The following PRKRA variants were observed in gnomAD, a reference collection of about 807,000 sequenced individuals.
PRKRA encodes protein activator of interferon induced protein kinase EIF2AK2, also known as interferon-inducible double-stranded RNA-dependent protein kinase activator A.
A neutral mutation model predicts 32.4 loss-of-function variants in PRKRA; 22 were observed. The ratio of observed to expected loss-of-function variants is 0.68; its 90% CI spans 0.49 to 0.97. PRKRA has a LOEUF of 0.97. Among genes scored for constraint, PRKRA ranks in the 50% least tolerant of loss-of-function variants. The pLI is 0.00. For missense variants in PRKRA, 319 were observed against 375.6 expected (o/e 0.85, Z 1.25); for synonymous variants, 139 against 129.8 (o/e 1.07, Z -0.48).
At chr2:178,440,084 AT>A (rs1697057734) in intron 6 of PRKRA, 1 of 152,182 alleles carries the variant, frequency 6.6e-6, no homozygotes, top group Admixed American at 6.5e-5. Context: ...AAGAGTTTAA[AT>A]AGCATTGAAA....
At position 178,444,458 on chromosome 2, in the gene PRKRA, T is replaced by C. The variant is rs888298986; in HGVS notation, c.360A>G (p.Gln120=). 3 of 1,607,408 alleles carry C rather than the reference T, an allele frequency of 1.9e-6. No homozygotes were observed. In the African/African-American group the frequency reaches 4.0e-5, roughly 22 times the overall value. The change falls in exon 4 of 8, where the codon CAA becomes CAG. Residue 120 remains glutamine (Q), a synonymous_variant. Transcript: ENST00000325748. ...PDPLMPDPSK[Q]PKNQLNPIGS... ...CAATAGGATTAAGCTGGTTCTTTGG[T>C]TGCTTGGAAGGGTCAGGCATTAAGG... is the stretch of plus-strand genomic sequence containing the variant.
At chr2:178,446,205 G>A (rs2154125308) in intron 3 of PRKRA, among the ~76,000 whole-genome samples, 1 of 151,022 alleles carries the variant, frequency 6.6e-6, no homozygotes, top group East Asian at 2.0e-4. Flanking sequence ...AGTAGAGACA[G>A]GGTTTTGCCA....
At position 178,451,126 on chromosome 2, in the gene PRKRA, G is replaced by A. The variant is rs553488379; in HGVS notation, c.-96C>T. The A allele has an allele frequency of 3.8e-5, 53 of 1,383,634 alleles. No individual in the cohort carries two copies. Among genetic ancestry groups the A allele is most frequent in the Non-Finnish European group, 4.9e-5 (51 of 1,030,442 alleles). 85.7% of individuals were successfully genotyped at this position (1,383,634 alleles called of 1,614,324 possible). A position where few individuals can be genotyped will look rare whatever the true frequency, so the allele number is the denominator to read the frequency against. ...GGTCCCCGGGAGGAGCTCCAGCGCC[G>A]CCACCTCCTCCGACTCCCCCGCCTC... On this transcript the variant is annotated 5_prime_UTR_variant, in exon 1 of 8. Transcript: ENST00000325748.
intron 1 of PRKRA, 111 bp from the exon 2 acceptor site, chr2:178,450,522 C>T: frequency 6.5e-7 from 1 of 1,539,690 alleles, no homozygotes; most frequent in Non-Finnish European, 8.8e-7. Flanking sequence ...CGCCGAGTTC[C>T]CCGGAGGCCA....
intron 6 of PRKRA, chr2:178,439,515 G>A (rs1373984876): frequency 6.6e-6 from 1 of 152,018 alleles, no homozygotes; most frequent in Non-Finnish European, 1.5e-5. Flanking sequence ...TTTTTCTTTA[G>A]GGTTTTAAAG....
intron 4 of PRKRA, 108 bp from the exon 5 acceptor site, chr2:178,443,492 G>T: frequency 3.6e-6 from 2 of 551,778 alleles, no homozygotes; most frequent in Non-Finnish European, 6.4e-6. Context: ...GAAAAGAATA[G>T]TGATATTCTG....
chr2:178,449,631 C>G (rs773051222), intron 2 of PRKRA, among the ~76,000 whole-genome samples: 1 of 152,182 alleles, frequency 6.6e-6, no homozygotes, highest in East Asian at 1.9e-4. Context: ...CATTGCTATA[C>G]GCATGTTACT....
chr2:178,445,592 C>T (rs965545787), intron 3 of PRKRA: 1 of 154,530 alleles, frequency 6.5e-6, no homozygotes, highest in African/African-American at 2.4e-5. Context: ...GACAAAGTGC[C>T]AAGATGCAGA....
At position 178,441,671 on chromosome 2, in the gene PRKRA, T is replaced by C. The variant is rs756418974; in HGVS notation, c.548A>G (p.Asn183Ser). The C allele has an allele frequency of 3.1e-6, 5 of 1,612,758 alleles. No individual in the cohort carries two copies. The South Asian group carries it at 5.5e-5, about 18-fold the overall frequency. ...TTTGGCAAGAAATTTCTCAGCAGCATTCCTTTTGGCTTGCTTTTTTGATGC... is the reference window on the plus strand; with the variant it reads ...TTTGGCAAGAAATTTCTCAGCAGCACTCCTTTTGGCTTGCTTTTTTGATGC... ...KGASKKQAKR[N>S]AAEKFLAKFS... Residue 183 changes from asparagine (N) to serine (S), a missense_variant, in exon 6 of 8, where the codon AAT (asparagine) becomes AGT (serine). By Grantham distance (46) the Asn-to-Ser change is conservative (BLOSUM62 1). Transcript: ENST00000325748.
chr2:178,448,035 A>G (rs1697388924), intron 2 of PRKRA, among the ~76,000 whole-genome samples: 1 of 152,202 alleles, frequency 6.6e-6, no homozygotes, highest in Non-Finnish European at 1.5e-5. Flanking sequence ...TTGATAGCAA[A>G]ATGTGCATAA....
intron 7 of PRKRA, among the ~76,000 whole-genome samples, chr2:178,435,547 A>C (rs900795115): frequency 4.6e-5 from 7 of 152,200 alleles, no homozygotes; most frequent in African/African-American, 1.7e-4. Context: ...ATGATGGCTG[A>C]GATGGGATAA....
chr2:178,443,197 G>A lies in PRKRA; in HGVS notation c.514+70C>T, dbSNP rs1697182317. The A allele has an allele frequency of 9.3e-6, 8 of 864,166 alleles. 1 individual carries two copies. The highest frequency in any genetic ancestry group is 2.5e-5 in the Admixed American group (1 of 40,384). The allele number at this position is 864,166 out of a possible 1,614,324, so 53.5% of individuals were successfully genotyped here. On this transcript the variant is annotated intron_variant, in intron 5 of 7. Coordinates refer to ENST00000325748, the MANE Select transcript of PRKRA (RefSeq NM_003690.5). ...GCATAGAAATATTTGAAAACATTAC[G>A]ACAGAAATTTCGATAGTCATTCATC... is the stretch of plus-strand genomic sequence containing the variant.
chr2:178,436,923 C>A (rs1381973638), intron 6 of PRKRA, among the ~76,000 whole-genome samples: 2 of 152,126 alleles, frequency 1.3e-5, no homozygotes, highest in Non-Finnish European at 2.9e-5. Flanking sequence ...TGCTTTTCCT[C>A]TTTCCTTTAT....
chr2:178,442,787 T>G (rs1697166181), intron 5 of PRKRA, among the ~76,000 whole-genome samples: 1 of 152,246 alleles, frequency 6.6e-6, no homozygotes, highest in African/African-American at 2.4e-5. Context: ...TTCTTATAGT[T>G]TATATCCTTT....
chr2:178,450,058 G>T, intron 2 of PRKRA, 184 bp downstream of exon 2: 1 of 813,082 alleles, frequency 1.2e-6, no homozygotes, highest in Non-Finnish European at 2.0e-6. Flanking sequence ...ATGTGGGGAA[G>T]AGAAAATTAG....
At chr2:178,444,621 T>TGACAA in intron 3 of PRKRA, 121 bp from the exon 4 acceptor site, 1 of 779,790 alleles carries the variant, frequency 1.3e-6, no homozygotes. Flanking sequence ...CTACATGGAA[T>TGACAA]GCCCTTTTCT....
chr2:178,436,456 A>C, intron 6 of PRKRA, 137 bp from the exon 7 acceptor site: 1 of 737,090 alleles, frequency 1.4e-6, no homozygotes, highest in East Asian at 2.7e-5. Flanking sequence ...ACATTTGGTT[A>C]ATTTTCCAAT....
chr2:178,432,181 G>A lies in PRKRA; in HGVS notation c.858C>T (p.Gly286=). 2 of 1,614,196 alleles carry A rather than the reference G, an allele frequency of 1.2e-6. No homozygotes were observed. The highest frequency in any genetic ancestry group is 1.7e-6 in the Non-Finnish European group (2 of 1,180,020). Residue 286 remains glycine (G), a synonymous_variant, in exon 8 of 8, where the codon GGC becomes GGT. Coordinates refer to ENST00000325748, the MANE Select transcript of PRKRA (RefSeq NM_003690.5). ...GTGCATTGCCACAGGAGATACCGGA[G>A]CCATGACAGACTGTGATGGGGCTGG... is the stretch of plus-strand genomic sequence containing the variant. ...LSTSPITVCH[G]SGISCGNAQS... is the part of the protein sequence containing the mutation.
rs925706453 is a variant in PRKRA at position 178,431,551 on chromosome 2, C to G, written c.*546G>C. 3 of 158,794 alleles carry G rather than the reference C, an allele frequency of 1.9e-5. No homozygotes were observed. Among genetic ancestry groups the G allele is most frequent in the Non-Finnish European group, 4.2e-5 (3 of 71,450 alleles). The allele number at this position is 158,794 out of a possible 1,614,324, so 9.8% of individuals were successfully genotyped here. On this transcript the variant is annotated 3_prime_UTR_variant, in exon 8 of 8. Transcript: ENST00000325748. ...TGGCTAACAAGAACAGGATGACAGTCAAGTCAGTAGCTTTTTAATAAAATG... is the reference window on the plus strand; with the variant it reads ...TGGCTAACAAGAACAGGATGACAGTGAAGTCAGTAGCTTTTTAATAAAATG...
Sources: gnomAD v4.1 joint callset for allele counts (sites outside exome capture counted in the v4.1 genomes callset) on GRCh38, gnomAD v4.1.1 for gene constraint, MANE v1.5 for transcripts, NCBI Gene and HGNC (gene_info 2026-07-23, HGNC 2026-07-21) for gene names.